Variants in SLC25A26 observed in about 807,000 individuals in gnomAD.
SLC25A26 encodes the protein solute carrier family 25 member 26.
A neutral mutation model predicts 37.8 loss-of-function variants in SLC25A26; 36 were observed. That is an observed-to-expected ratio of 0.95 (90% confidence interval 0.73 to 1.26). The LOEUF is 1.26. Ranked by LOEUF, SLC25A26 falls within the 50% of genes most tolerant of loss-of-function variation. The probability of loss-of-function intolerance (pLI) is 0.00; values close to 1 mark genes in which losing one functional copy is unlikely to be tolerated. For synonymous variants in SLC25A26, 129 were observed against 122.5 expected, an observed-to-expected ratio of 1.05 and a Z score of -0.35; for missense variants, 390 against 331.1, an observed-to-expected ratio of 1.18 and a Z score of -1.38.
chr3:66,307,239 G>A (rs140236391), intron 5 of SLC25A26, among the ~76,000 whole-genome samples: 15 of 152,162 alleles, frequency 9.9e-5, no homozygotes, highest in East Asian at 7.7e-4. Flanking sequence ...TTTGATTTGC[G>A]TTTCTCTAAT....
intron 1 of SLC25A26, among the ~76,000 whole-genome samples, chr3:66,148,251 T>G (rs1159944404): frequency 6.6e-6 from 1 of 152,134 alleles, no homozygotes; most frequent in East Asian, 1.9e-4. Context: ...CTCAAGATTT[T>G]TAAAAAAGGA....
chr3:66,243,595 T>C (rs1400300797), intron 3 of SLC25A26, among the ~76,000 whole-genome samples: 1 of 152,142 alleles, frequency 6.6e-6, no homozygotes, highest in African/African-American at 2.4e-5. Flanking sequence ...GAAGAAAATA[T>C]CCATTCGAAT....
intron 1 of SLC25A26, among the ~76,000 whole-genome samples, chr3:66,212,573 A>T (rs2071298486): frequency 1.3e-5 from 2 of 152,172 alleles, no homozygotes; most frequent in Non-Finnish European, 1.5e-5. Context: ...CCCCATGGAT[A>T]AGGGGGATAT....
At chr3:66,221,284 C>A (rs1576649840) in intron 1 of SLC25A26, 157 bp downstream of exon 1, 1 of 352,320 alleles carries the variant, frequency 2.8e-6, no homozygotes, top group Non-Finnish European at 4.0e-6. Flanking sequence ...GGCTCCCAGG[C>A]CACCGGCGGG....
chr3:66,137,897 A>T (rs1398411791), intron 1 of SLC25A26, among the ~76,000 whole-genome samples: 1 of 151,952 alleles, frequency 6.6e-6, no homozygotes, highest in African/African-American at 2.4e-5. Context: ...GCAGTAGCCC[A>T]ATCTTGGCTC....
At chr3:66,284,658 C>G (rs931662424) in intron 5 of SLC25A26, among the ~76,000 whole-genome samples, 10 of 152,006 alleles carry the variant, frequency 6.6e-5, no homozygotes, top group Admixed American at 5.9e-4. Context: ...GCAGCTCTTG[C>G]AACAACATGG....
At chr3:66,260,040 A>C (rs1207029832) in intron 3 of SLC25A26, among the ~76,000 whole-genome samples, 1 of 152,038 alleles carries the variant, frequency 6.6e-6, no homozygotes, top group African/African-American at 2.4e-5. Flanking sequence ...TTTATTGTTC[A>C]TTCTTCCCAC....
At chr3:66,240,710 ATT>A (rs1234582152) in intron 2 of SLC25A26, among the ~76,000 whole-genome samples, 1 of 148,390 alleles carries the variant, frequency 6.7e-6, no homozygotes, top group Non-Finnish European at 1.5e-5. Context: ...ATCTAAATAT[ATT>A]TTATGTATTC....
chr3:66,295,637 G>A (rs143402288), intron 5 of SLC25A26, among the ~76,000 whole-genome samples: 3 of 151,632 alleles, frequency 2.0e-5, no homozygotes, highest in African/African-American at 4.8e-5. Flanking sequence ...TCCTGACTTC[G>A]TGATCCGCCC....
At chr3:66,158,212 A>G (rs1333414713) in intron 1 of SLC25A26, among the ~76,000 whole-genome samples, 10 of 152,238 alleles carry the variant, frequency 6.6e-5, no homozygotes, top group African/African-American at 2.4e-4. Flanking sequence ...TTGATGCACA[A>G]TATGTGGCCT....
intron 5 of SLC25A26, among the ~76,000 whole-genome samples, chr3:66,291,969 G>A (rs1425828991): frequency 2.6e-5 from 4 of 152,176 alleles, no homozygotes; most frequent in African/African-American, 9.7e-5. Flanking sequence ...CTTGCTTTAT[G>A]AATCTGGGTG....
At chr3:66,312,197 G>A (rs1374452384) in intron 5 of SLC25A26, among the ~76,000 whole-genome samples, 1 of 152,200 alleles carries the variant, frequency 6.6e-6, no homozygotes, top group African/African-American at 2.4e-5. Context: ...TGCCCAGTGA[G>A]GCAGTCTAGA....
chr3:66,250,849 T>C (rs1284016782), intron 3 of SLC25A26, among the ~76,000 whole-genome samples: 1 of 152,132 alleles, frequency 6.6e-6, no homozygotes, highest in East Asian at 1.9e-4. Context: ...ATTGTGCATC[T>C]ATTTAAGGTA....
At chr3:66,236,354 A>G (rs939047239) in intron 1 of SLC25A26, 190 bp from the exon 2 acceptor site, 1 of 154,940 alleles carries the variant, frequency 6.5e-6, no homozygotes, top group Non-Finnish European at 1.4e-5. Flanking sequence ...ATATAGCACA[A>G]TAATGGCTAT....
intron 5 of SLC25A26, among the ~76,000 whole-genome samples, chr3:66,322,167 G>C (rs1458166919): frequency 6.6e-6 from 1 of 152,134 alleles, no homozygotes; most frequent in Non-Finnish European, 1.5e-5. Context: ...GTGTGGGGAG[G>C]TTCTGAGATG....
intron 5 of SLC25A26, among the ~76,000 whole-genome samples, chr3:66,327,624 AT>A (rs35503387): frequency 0.04 from 6,009 of 151,334 alleles, 373 homozygotes; most frequent in African/African-American, 0.13. Flanking sequence ...AAAAAGGATG[AT>A]TTTTTTTTCA....
In SLC25A26 at chr3:66,269,670, C is replaced by G. The variant is rs183637620; in HGVS notation, c.453+6291C>G. Among the ~76,000 whole-genome samples, 206 of 152,246 alleles carry G rather than the reference C, an allele frequency of 1.4e-3. 2 individuals are homozygous for G. Among genetic ancestry groups the G allele is most frequent in the Non-Finnish European group, 1.0e-4 (7 of 68,010 alleles). On this transcript the variant is annotated intron_variant, in intron 5 of 9. Transcript: ENST00000354883. ...CGCCAGAACTTCTGTTGCATCTTTA[C>G]TGTCCTTAAGGCTCTATATACTATT...
intron 1 of SLC25A26, among the ~76,000 whole-genome samples, chr3:66,139,605 T>C (rs896353037): frequency 6.6e-6 from 1 of 152,216 alleles, no homozygotes; most frequent in Non-Finnish European, 1.5e-5. Flanking sequence ...AGGCTGCCTG[T>C]ATCACATAAA....
rs188518295 is a variant in SLC25A26, at chr3:66,268,995, G to A, written c.453+5616G>A. ...TCCTTTATAAATTACTCAGTCTCAG[G>A]TAGTATCTTTATAGCAGTGTGAGAA... On this transcript the variant is annotated intron_variant, in intron 5 of 9. Coordinates refer to ENST00000354883, the MANE Select transcript of SLC25A26 (RefSeq NM_001379210.1). 1.3e-4 allele frequency among the ~76,000 whole-genome samples: 20 copies of A among 152,278 alleles called. No homozygotes were observed. In the East Asian group the frequency reaches 3.3e-3, roughly 25 times the overall value.
Sources: allele counts gnomAD v4.1 joint callset (sites outside exome capture counted in the v4.1 genomes callset), GRCh38; gene constraint gnomAD v4.1.1; transcripts MANE v1.5; gene names NCBI Gene and HGNC (gene_info 2026-07-23, HGNC 2026-07-21).